TMEM94: variants seen among roughly 807,000 people sequenced by gnomAD.
TMEM94 encodes ER Mg2+ ATPase.
Under a neutral mutation model 158.6 loss-of-function variants are expected in TMEM94, and 81 were observed. The ratio of observed to expected loss-of-function variants is 0.51; its 90% CI spans 0.43 to 0.61. TMEM94 has a LOEUF of 0.61. TMEM94 is among the 20% of genes least tolerant of loss of function. The probability of loss-of-function intolerance (pLI) is 0.00; values close to 1 mark genes in which losing one functional copy is unlikely to be tolerated. For synonymous variants in TMEM94, 751 were observed against 730.7 expected (o/e 1.03, Z -0.45); for missense variants, 1,435 against 1,762.0 (o/e 0.81, Z 3.32).
rs757200645 is a variant in TMEM94 at position 75,488,921 on chromosome 17, TG to T, written c.764+12del. 1 of 1,547,820 alleles carries T rather than the reference TG, an allele frequency of 6.5e-7. No individual in the cohort carries two copies. Among genetic ancestry groups the T allele is most frequent in the African/African-American group, 1.4e-5 (1 of 73,130 alleles). On this transcript the variant is annotated intron_variant, in intron 7 of 31. Coordinates refer to ENST00000314256, the MANE Select transcript of TMEM94 (RefSeq NM_014738.6). The stretch of plus-strand genomic sequence containing the variant: ...GATTGACAACATCAGGTAGGGGTGC[TG>T]CCCCGCCTCCTCCTGTCCCTGGTGT...
chr17:75,494,874 C>G (rs78234400), intron 19 of TMEM94, 22 bp from the exon 20 acceptor site: 73,012 of 1,613,492 alleles, frequency 0.045, 2,003 homozygotes, highest in Middle Eastern at 0.12. Context: ...CCCGTATGTT[C>G]ATGGCCGTCT....
chr17:75,476,458 T>A, intron 2 of TMEM94: 3 of 1,300,828 alleles, frequency 2.3e-6, no homozygotes, highest in Non-Finnish European at 3.0e-6. Flanking sequence ...TGCTGCCTCC[T>A]CCTCCCTCCC....
chr17:75,492,939 T>C lies in TMEM94; in HGVS notation c.1923T>C (p.Pro641=), dbSNP rs1194684273. ...CELARLIGFT[P]GAKELFKQEN... The stretch of plus-strand genomic sequence containing the variant: ...TTCCCCGCCCTGCAGGCTTCACTCC[T>C]GGGGCCAAGGAGCTTTTCAAGCAGG... The change falls in exon 16 of 32, where the codon CCT becomes CCC. Residue 641 remains proline, a synonymous_variant. Transcript: ENST00000314256. This position sits in a 1 kb window ranked among gnomAD's most constrained non-coding sequence, Gnocchi z 4.4. The C allele has an allele frequency of 6.2e-7, 1 of 1,612,920 alleles. No individual in the cohort carries two copies. The highest frequency in any genetic ancestry group is 8.5e-7 in the Non-Finnish European group (1 of 1,179,454).
chr17:75,486,578 C>A (rs1193542275), intron 5 of TMEM94, 152 bp downstream of exon 5: 2 of 965,914 alleles, frequency 2.1e-6, no homozygotes, highest in Admixed American at 2.5e-5. Flanking sequence ...GATGCCCACT[C>A]TCTTTTGAGC....
intron 10 of TMEM94, 42 bp from the exon 11 acceptor site, chr17:75,490,660 C>CA: frequency 6.3e-7 from 1 of 1,575,386 alleles, no homozygotes; most frequent in Non-Finnish European, 8.7e-7. Context: ...TGTGTGAAGG[C>CA]GGCGTTTTCC....
Position 75,488,098 on chromosome 17 carries a change from T to C in TMEM94, c.576T>C (p.Pro192=). 6 of 1,614,230 alleles carry C rather than the reference T, an allele frequency of 3.7e-6. No individual in the cohort carries two copies. The highest frequency in any genetic ancestry group is 5.1e-6 in the Non-Finnish European group (6 of 1,180,034). ...AAGGAGACATCATAGCTTTGAGGCC[T>C]GGCCAGGAATCGTTTGCTTCTCTGA... ...LVEGDIIALR[P]GQESFASLRG... The change falls in exon 6 of 32, where the codon CCT becomes CCC. Residue 192 remains proline (P), a synonymous_variant. Transcript: ENST00000314256.
chr17:75,463,666 T>C (rs1411091675), intron 1 of TMEM94, among the ~76,000 whole-genome samples: 1 of 152,208 alleles, frequency 6.6e-6, no homozygotes, highest in Non-Finnish European at 1.5e-5. Context: ...ACAGTAGTTT[T>C]TGAACCTAAG....
chr17:75,486,097 A>G (rs2051580881), intron 4 of TMEM94, 99 bp downstream of exon 4: 1 of 1,469,424 alleles, frequency 6.8e-7, no homozygotes, highest in Non-Finnish European at 9.0e-7. Context: ...TGTCACCCCC[A>G]AGCTGCTCCT....
In TMEM94 at chr17:75,492,508, C is replaced by G. The variant is rs141810576; in HGVS notation, c.1631C>G (p.Ala544Gly). The change falls in exon 15 of 32, where the codon GCA becomes GGA. Residue 544 changes from alanine (A) to glycine (G), a missense_variant. Physicochemically the swap from Ala to Gly is moderately conservative, Grantham distance 60. Transcript: ENST00000314256. The surrounding 1 kb of genome is among the most constrained non-coding windows in gnomAD (Gnocchi z 4.4). ...QPGMESDPYEAEDFVCDYHLE... is the reference protein window; with the variant it reads ...QPGMESDPYEGEDFVCDYHLE... ...GGGATGGAGAGCGACCCCTACGAAG[C>G]AGAGGACTTTGTGTGTGACTACCAC... The G allele has an allele frequency of 3.1e-6, 5 of 1,609,166 alleles. No individual in the cohort carries two copies. In the African/African-American group the frequency reaches 6.7e-5, roughly 22 times the overall value.
intron 2 of TMEM94, among the ~76,000 whole-genome samples, chr17:75,473,808 A>G (rs558362015): frequency 6.6e-6 from 1 of 152,298 alleles, no homozygotes; most frequent in Non-Finnish European, 1.5e-5. Flanking sequence ...CTTATTGTCT[A>G]GTAGAGGAAT....
At chr17:75,464,145 C>T (rs370974249) in intron 1 of TMEM94, among the ~76,000 whole-genome samples, 1 of 152,154 alleles carries the variant, frequency 6.6e-6, no homozygotes, top group East Asian at 1.9e-4. Flanking sequence ...AGGAGGCATC[C>T]ACCCCTTTGT....
At chr17:75,457,544 C>G (rs575121779) in intron 1 of TMEM94, 1 of 152,324 alleles carries the variant, frequency 6.6e-6, no homozygotes, top group African/African-American at 2.4e-5. Flanking sequence ...ACCCTCTCTC[C>G]TGAGTTTTTC....
rs1476439548 is a variant in TMEM94 at position 75,496,290 on chromosome 17, T to C, written c.3062T>C (p.Leu1021Pro). The change falls in exon 24 of 32, where the codon CTG (leucine) becomes CCG (proline). Residue 1021 changes from leucine (L) to proline (P), a missense_variant. Physicochemically the swap from Leu to Pro is moderately conservative, Grantham distance 98. Transcript: ENST00000314256. ...LFLQSDISIALDPLYPSRCSW... is the reference protein window; with the variant it reads ...LFLQSDISIAPDPLYPSRCSW... ...TCCCCCACCCTGAGCAGCATTGCCC[T>C]GGATCCCCTGTACCCATCCCGTTGC... is the stretch of plus-strand genomic sequence containing the variant. 6.2e-7 allele frequency: 1 copy of C among 1,614,082 alleles called. No homozygotes were observed.
At chr17:75,481,462 G>A (rs773775811) in intron 2 of TMEM94, among the ~76,000 whole-genome samples, 2 of 152,220 alleles carry the variant, frequency 1.3e-5, no homozygotes, top group Non-Finnish European at 2.9e-5. Context: ...CCAGCACTGG[G>A]GGCTCCACTT....
chr17:75,488,168 C>A, intron 6 of TMEM94, 34 bp downstream of exon 6: 4 of 1,602,622 alleles, frequency 2.5e-6, no homozygotes, highest in Non-Finnish European at 2.6e-6. Flanking sequence ...CTTGGAAATG[C>A]GGTGGGAACA....
At chr17:75,468,314 G>C (rs890605775) in intron 1 of TMEM94, among the ~76,000 whole-genome samples, 3 of 152,240 alleles carry the variant, frequency 2.0e-5, no homozygotes, top group African/African-American at 7.2e-5. Context: ...TGCCCTCTCT[G>C]TACTGCTGTG....
At chr17:75,493,265 G>T in intron 16 of TMEM94, 163 bp downstream of exon 16, 1 of 901,176 alleles carries the variant, frequency 1.1e-6, no homozygotes, top group Non-Finnish European at 1.7e-6. Context: ...ACCAGGGCTG[G>T]GATGGTGTTG....
In TMEM94 at chr17:75,492,384, G is replaced by A; in HGVS notation, c.1597-90G>A. ...GGAAGGGTGCCTTTCAGGGGCAGGAGCCCTCCCCAGCCTTGGGAGGTGGGC... is the reference window on the plus strand; with the variant it reads ...GGAAGGGTGCCTTTCAGGGGCAGGAACCCTCCCCAGCCTTGGGAGGTGGGC... On this transcript the variant is annotated intron_variant, in intron 14 of 31. Transcript: ENST00000314256. The surrounding 1 kb of genome is among the most constrained non-coding windows in gnomAD (Gnocchi z 4.4). The A allele has an allele frequency of 1.4e-6, 2 of 1,475,690 alleles. No individual in the cohort carries two copies. The highest frequency in any genetic ancestry group is 1.8e-6 in the Non-Finnish European group (2 of 1,111,284). The allele number at this position is 1,475,690 out of a possible 1,614,324, so 91.4% of individuals were successfully genotyped here.
chr17:75,488,690 T>C, intron 6 of TMEM94, 69 bp from the exon 7 acceptor site: 2 of 1,573,880 alleles, frequency 1.3e-6, no homozygotes, highest in Non-Finnish European at 1.7e-6. Context: ...TGTACTTAGA[T>C]GAATTGTCCA....
Sources: gnomAD v4.1 joint callset for allele counts (sites outside exome capture counted in the v4.1 genomes callset) on GRCh38, gnomAD v4.1.1 for gene constraint, Gnocchi (gnomAD v3.1) non-coding constraint, MANE v1.5 for transcripts, NCBI Gene and HGNC (gene_info 2026-07-23, HGNC 2026-07-21) for gene names.